RIMS2: variants seen among roughly 807,000 people sequenced by gnomAD.
RIMS2 encodes regulating synaptic membrane exocytosis protein 2.
A neutral mutation model predicts 174.4 loss-of-function variants in RIMS2; 59 were observed. That is an observed-to-expected ratio of 0.34 (90% CI 0.27 to 0.42). The LOEUF is 0.42. RIMS2 is among the 10% of genes least tolerant of loss of function. The pLI is 1.00. For missense variants in RIMS2, 1,620 were observed against 1,666.3 expected, an observed-to-expected ratio of 0.97 and a Z score of 0.48; for synonymous variants, 606 against 572.5, an observed-to-expected ratio of 1.06 and a Z score of -0.84.
At chr8:103,543,010 G>A (rs1587247475) in intron 1 of RIMS2, among the ~76,000 whole-genome samples, 1 of 152,290 alleles carries the variant, frequency 6.6e-6, no homozygotes. Flanking sequence ...AGTACTGGAA[G>A]TTCTTGCCAG....
intron 1 of RIMS2, among the ~76,000 whole-genome samples, chr8:103,617,005 A>G (rs1377078699): frequency 1.3e-5 from 2 of 152,162 alleles, no homozygotes; most frequent in Admixed American, 6.5e-5. Context: ...TATTCTTCAC[A>G]AACTAGAAAA....
chr8:104,112,982 G>C (rs2098216814), intron 19 of RIMS2, among the ~76,000 whole-genome samples: 1 of 152,250 alleles, frequency 6.6e-6, no homozygotes, highest in South Asian at 2.1e-4. Context: ...TCCTTTAACT[G>C]TTATGAAATA....
At chr8:104,117,058 C>G (rs956352564) in intron 19 of RIMS2, among the ~76,000 whole-genome samples, 40 of 151,802 alleles carry the variant, frequency 2.6e-4, no homozygotes, top group African/African-American at 9.4e-4. Context: ...GCTTAAAATT[C>G]ATCACACTTG....
intron 1 of RIMS2, among the ~76,000 whole-genome samples, chr8:103,573,279 G>T (rs1472521121): frequency 6.6e-6 from 1 of 151,778 alleles, no homozygotes; most frequent in African/African-American, 2.4e-5. Context: ...GGCCAGGCTG[G>T]TCTTGAACTC....
intron 19 of RIMS2, among the ~76,000 whole-genome samples, chr8:104,112,562 G>A (rs1458660269): frequency 6.6e-6 from 1 of 152,164 alleles, no homozygotes; most frequent in African/African-American, 2.4e-5. Context: ...ATTCTGAGAT[G>A]AGGATTCTCC....
intron 1 of RIMS2, among the ~76,000 whole-genome samples, chr8:103,504,936 C>T (rs565551345): frequency 1.9e-4 from 28 of 148,636 alleles, no homozygotes; most frequent in African/African-American, 5.9e-4. Context: ...ACTGCAGCCA[C>T]GACCTCCTGG....
chr8:103,970,069 T>A (rs2092688584), intron 15 of RIMS2, among the ~76,000 whole-genome samples: 1 of 152,178 alleles, frequency 6.6e-6, no homozygotes, highest in African/African-American at 2.4e-5. Flanking sequence ...TTTTTCTTGA[T>A]AATTTTTTTA....
intron 4 of RIMS2, among the ~76,000 whole-genome samples, chr8:103,890,645 G>A (rs933591225): frequency 2.0e-5 from 3 of 151,780 alleles, no homozygotes; most frequent in African/African-American, 7.3e-5. Context: ...CTTTCTGTTC[G>A]GTTAGGAAAT....
Position 104,013,524 on chromosome 8 carries a change from C to T in RIMS2, c.3127C>T (p.Arg1043Cys), listed in dbSNP as rs774993398. 1.1e-5 allele frequency: 17 copies of T among 1,613,820 alleles called. No individual in the cohort carries two copies. The East Asian group carries it at 2.0e-4, about 19-fold the overall frequency. ...GCCTCTCCTTGAGCGGACCACCACC[C>T]GCTCCAGATCCACTGAACGTCCTGA... The change falls in exon 18 of 24, where the codon CGC becomes TGC. Residue 1043 changes from arginine (R) to cysteine (C), a missense_variant. Arg to Cys is a radical substitution (Grantham distance 180). Coordinates refer to ENST00000504942, the Ensembl canonical transcript of RIMS2.
chr8:103,520,498 T>G (rs1831131280), intron 1 of RIMS2, among the ~76,000 whole-genome samples: 1 of 152,134 alleles, frequency 6.6e-6, no homozygotes, highest in Admixed American at 6.6e-5. Flanking sequence ...TTTTGTTTGT[T>G]TAAACATTTT....
chr8:103,830,463 G>C lies in RIMS2; in HGVS notation c.699-54835G>C, dbSNP rs183725601. Among the ~76,000 whole-genome samples the C allele has an allele frequency of 3.2e-3, 482 of 152,218 alleles. 4 individuals are homozygous for C. The highest frequency in any genetic ancestry group is 5.0e-3 in the Non-Finnish European group (339 of 68,016). ...TTTTTTATGATGACATTTTATTCTA[G>C]TGAGAGAACATACCTGTATAATCTC... On this transcript the variant is annotated intron_variant, in intron 3 of 23. Coordinates refer to ENST00000504942, the Ensembl canonical transcript of RIMS2.
intron 3 of RIMS2, among the ~76,000 whole-genome samples, chr8:103,804,722 A>T (rs1435013962): frequency 6.6e-6 from 1 of 152,204 alleles, no homozygotes; most frequent in Non-Finnish European, 1.5e-5. Context: ...AAGGTGCTGT[A>T]GCCATTGAGA....
rs1170694264 is a variant in RIMS2 at position 104,235,302 on chromosome 8, T to G, written c.3335-9614T>G. 4.6e-5 allele frequency among the ~76,000 whole-genome samples: 7 copies of G among 152,120 alleles called. No homozygotes were observed. In the East Asian group the frequency reaches 1.2e-3, roughly 25 times the overall value. Reference sequence around the variant, plus strand: ...GCCCAGCATGCTTTGAGAAGCAAGCTTAGGTTTTGACATTGCCAAAATTTG... The same window carrying G: ...GCCCAGCATGCTTTGAGAAGCAAGCGTAGGTTTTGACATTGCCAAAATTTG... On this transcript the variant is annotated intron_variant, in intron 19 of 23. Coordinates refer to ENST00000504942, the Ensembl canonical transcript of RIMS2.
intron 3 of RIMS2, among the ~76,000 whole-genome samples, chr8:103,796,420 T>C (rs1207916878): frequency 2.0e-5 from 3 of 152,174 alleles, no homozygotes; most frequent in Admixed American, 6.5e-5. Flanking sequence ...AATTTTAACA[T>C]ACCAAAATTA....
At chr8:104,155,331 C>T (rs567620498) in intron 19 of RIMS2, among the ~76,000 whole-genome samples, 225 of 151,024 alleles carry the variant, frequency 1.5e-3, no homozygotes, top group African/African-American at 5.1e-3. Context: ...TGGTCTCGAT[C>T]TCCTGACCTC....
intron 14 of RIMS2, among the ~76,000 whole-genome samples, chr8:103,949,326 C>T: frequency 6.6e-6 from 1 of 152,074 alleles, no homozygotes; most frequent in East Asian, 1.9e-4. Flanking sequence ...ATTTACAAAA[C>T]ATTCTACAAG....
At chr8:103,675,086 A>G (rs1361434523) in intron 1 of RIMS2, among the ~76,000 whole-genome samples, 4 of 152,064 alleles carry the variant, frequency 2.6e-5, no homozygotes, top group Non-Finnish European at 4.4e-5. Context: ...AATTTTTTGT[A>G]TTTTTAGTAG....
intron 6 of RIMS2, among the ~76,000 whole-genome samples, chr8:103,914,460 T>C (rs1595057593): frequency 6.6e-6 from 1 of 152,300 alleles, no homozygotes; most frequent in Admixed American, 6.5e-5. Context: ...TCTGGCAAGC[T>C]TTAAGATATC....
intron 19 of RIMS2, among the ~76,000 whole-genome samples, chr8:104,128,629 G>A (rs1407540047): frequency 3.9e-5 from 6 of 152,090 alleles, no homozygotes; most frequent in Admixed American, 2.0e-4. Context: ...CCTGGGAGGC[G>A]GAGGTTGCGG....
Sources: gnomAD v4.1 joint callset for allele counts (sites outside exome capture counted in the v4.1 genomes callset) on GRCh38, gnomAD v4.1.1 for gene constraint, MANE v1.5 for transcripts, NCBI Gene and HGNC (gene_info 2026-07-23, HGNC 2026-07-21) for gene names.